Variants in FLNB observed in about 807,000 individuals in gnomAD.
The protein encoded by FLNB is filamin B, also known as filamin-B.
A neutral mutation model predicts 250.6 loss-of-function variants in FLNB; 111 were observed. That is an observed-to-expected ratio of 0.44 (90% CI 0.38 to 0.52). The LOEUF is 0.52. Ranked by LOEUF, FLNB falls within the 20% of genes least tolerant of loss-of-function variation. The pLI, the probability that FLNB is intolerant of heterozygous loss-of-function variation, is 0.00. For synonymous variants in FLNB, 1,302 were observed against 1,372.1 expected, an observed-to-expected ratio of 0.95 and a Z score of 1.13; for missense variants, 2,869 against 3,447.8, an observed-to-expected ratio of 0.83 and a Z score of 4.20.
Position 58,109,273 on chromosome 3 carries a change from C to G in FLNB, c.2150C>G (p.Thr717Ser). 2 of 1,614,242 alleles carry G rather than the reference C, an allele frequency of 1.2e-6. No individual in the cohort carries two copies. The highest frequency in any genetic ancestry group is 4.5e-5 in the East Asian group (2 of 44,884). The part of the protein sequence containing the change: ...SYTPVKAIKH[T>S]IAVVWGGVNI... ...ACCCCGGTGAAGGCCATCAAGCACA[C>G]CATTGCTGTGGTCTGGGGAGGCGTG... The change falls in exon 14 of 46, where the codon ACC (threonine) becomes AGC (serine). Residue 717 changes from threonine (T) to serine (S), a missense_variant. Thr to Ser is a moderately conservative substitution (Grantham distance 58). Coordinates refer to ENST00000295956, the MANE Select transcript of FLNB (RefSeq NM_001457.4).
At chr3:58,029,506 C>G (rs199691969) in intron 1 of FLNB, among the ~76,000 whole-genome samples, 1 of 136,504 alleles carries the variant, frequency 7.3e-6, no homozygotes, top group Non-Finnish European at 1.6e-5. Flanking sequence ...AATGAGAATT[C>G]TTTTTTTTTT....
chr3:58,098,611 G>A (rs1375372536), intron 7 of FLNB, 100 bp from the exon 8 acceptor site: 9 of 1,141,202 alleles, frequency 7.9e-6, no homozygotes, highest in Non-Finnish European at 2.6e-6. Context: ...GGGATTACAA[G>A]CATGAGCCAC....
Position 58,134,727 on chromosome 3 carries a change from T to C in FLNB, c.4626T>C (p.Ile1542=). ...CCAGTCTACCTGTGGACTTTGCAAT[T>C]GATGCCCGAGATGCCGGGGAAGGCC... ...VPASLPVDFA[I]DARDAGEGLL... is the part of the protein sequence containing the mutation. Residue 1542 remains isoleucine (I), a synonymous_variant, in exon 27 of 46, where the codon ATT becomes ATC. Transcript: ENST00000295956. 1 of 1,614,202 alleles carries C rather than the reference T, an allele frequency of 6.2e-7. No homozygotes were observed. The highest frequency in any genetic ancestry group is 8.5e-7 in the Non-Finnish European group (1 of 1,180,006).
intron 1 of FLNB, among the ~76,000 whole-genome samples, chr3:58,063,549 T>G (rs1228404452): frequency 6.6e-6 from 1 of 152,230 alleles, no homozygotes; most frequent in Non-Finnish European, 1.5e-5. Flanking sequence ...TCCCCCTATC[T>G]GTCCTCTGAG....
intron 1 of FLNB, among the ~76,000 whole-genome samples, chr3:58,027,226 C>T (rs1314889228): frequency 2.0e-5 from 3 of 151,948 alleles, no homozygotes; most frequent in African/African-American, 4.8e-5. Flanking sequence ...GATCTCGGCT[C>T]ACCACAACCT....
At chr3:58,110,386 C>G (rs1016064709) in intron 16 of FLNB, among the ~76,000 whole-genome samples, 3 of 152,150 alleles carry the variant, frequency 2.0e-5, no homozygotes, top group African/African-American at 7.2e-5. Flanking sequence ...CCTCAGCCTC[C>G]CAAGTAGCTG....
intron 4 of FLNB, among the ~76,000 whole-genome samples, chr3:58,087,803 C>T (rs1262507254): frequency 1.3e-5 from 2 of 149,274 alleles, no homozygotes; most frequent in East Asian, 2.1e-4. Context: ...TGCAATGGCA[C>T]GATCTCGGCT....
At chr3:58,074,638 T>C (rs186738677) in intron 1 of FLNB, among the ~76,000 whole-genome samples, 9 of 152,344 alleles carry the variant, frequency 5.9e-5, no homozygotes, top group Non-Finnish European at 8.8e-5. Context: ...GTTTCCTATA[T>C]TTAGGGGGCT....
Position 58,164,852 on chromosome 3 carries a change from G to C in FLNB, c.7198+1522G>C, listed in dbSNP as rs1157875743. 6.6e-6 allele frequency: 1 copy of C among 152,618 alleles called. No homozygotes were observed. The highest frequency in any genetic ancestry group is 6.5e-5 in the Admixed American group (1 of 15,302). 9.5% of individuals were successfully genotyped at this position (152,618 alleles called of 1,614,324 possible). A position where few individuals can be genotyped will look rare whatever the true frequency, so the allele number is the denominator to read the frequency against. On this transcript the variant is annotated intron_variant, in intron 43 of 45. Coordinates refer to ENST00000295956, the MANE Select transcript of FLNB (RefSeq NM_001457.4). The surrounding 1 kb of genome is among the most constrained non-coding windows in gnomAD (Gnocchi z 4.0). ...CCAAACAACACTCCCCCAAAAAGCA[G>C]TCAGCTGGGAGGAGGCAGAACCAGG...
rs1216046932 is a variant in FLNB, at chr3:58,041,755, C to G, written c.292+32899C>G. ...GTCATGTTTTTGAAATTGCCTCAAG[C>G]CTACCTTACAAATCCTTCCTGGAAC... On this transcript the variant is annotated intron_variant, in intron 1 of 45. Transcript: ENST00000295956. Among the ~76,000 whole-genome samples, 6 of 152,132 alleles carry G rather than the reference C, an allele frequency of 3.9e-5. No individual in the cohort carries two copies. The East Asian group carries it at 1.2e-3, about 29-fold the overall frequency.
chr3:58,118,823 T>G, intron 18 of FLNB, 49 bp from the exon 19 acceptor site: 2 of 1,405,610 alleles, frequency 1.4e-6, no homozygotes, highest in Non-Finnish European at 2.0e-6. Flanking sequence ...AAATGCCAAG[T>G]TAGCTTTTTG....
intron 9 of FLNB, 107 bp from the exon 10 acceptor site, chr3:58,103,852 T>G: frequency 7.3e-7 from 1 of 1,376,022 alleles, no homozygotes; most frequent in Non-Finnish European, 1.0e-6. Flanking sequence ...GGTTTTTATG[T>G]ATGGTTTATG....
chr3:58,044,464 A>C (rs2097150616), intron 1 of FLNB, among the ~76,000 whole-genome samples: 1 of 151,848 alleles, frequency 6.6e-6, no homozygotes, highest in African/African-American at 2.4e-5. Flanking sequence ...AACCAAAAAA[A>C]CCCCACAACA....
At position 58,154,821 on chromosome 3, in the gene FLNB, G is replaced by A; in HGVS notation, c.6665G>A (p.Gly2222Asp). The change falls in exon 40 of 46, where the codon GGC (glycine) becomes GAC (aspartate). Residue 2222 changes from glycine to aspartate, a missense_variant. This residue lies in a region of FLNB where 1,084 missense variants were observed against 1,315.5 expected (regional missense o/e 0.82). Coordinates refer to ENST00000295956, the MANE Select transcript of FLNB (RefSeq NM_001457.4). ...AEFSIWTREA[G>D]AGGLSIAVEG... is the part of the protein sequence containing the mutation. The stretch of plus-strand genomic sequence containing the variant: ...TTCAGCATTTGGACCCGGGAAGCAG[G>A]CGCTGGAGGCCTCTCCATCGCTGTT... The A allele has an allele frequency of 6.2e-7, 1 of 1,614,128 alleles. No homozygotes were observed. Among genetic ancestry groups the A allele is most frequent in the Non-Finnish European group, 8.5e-7 (1 of 1,180,012 alleles).
At chr3:58,071,033 G>A (rs935354040) in intron 1 of FLNB, among the ~76,000 whole-genome samples, 2 of 147,936 alleles carry the variant, frequency 1.4e-5, no homozygotes, top group African/African-American at 5.0e-5. Context: ...CTGCAGCCTC[G>A]ATCTCCTGGC....
chr3:58,024,923 G>C (rs1340040418), intron 1 of FLNB, among the ~76,000 whole-genome samples: 1 of 150,456 alleles, frequency 6.6e-6, no homozygotes, highest in Non-Finnish European at 1.5e-5. Flanking sequence ...ATATTGGCCA[G>C]GATGGTCTCA....
intron 3 of FLNB, 84 bp downstream of exon 3, chr3:58,078,898 G>C (rs903590745): frequency 5.0e-5 from 47 of 941,346 alleles, no homozygotes; most frequent in Non-Finnish European, 8.4e-6. Flanking sequence ...CAGGCAGCCC[G>C]ACCTTCTTGG....
chr3:58,163,320 G>GGGC lies in FLNB; in HGVS notation c.7189_7191dup (p.Gly2397dup). 1 of 1,614,142 alleles carries GGGC rather than the reference G, an allele frequency of 6.2e-7. No individual in the cohort carries two copies. Among genetic ancestry groups the GGGC allele is most frequent in the Non-Finnish European group, 8.5e-7 (1 of 1,180,024 alleles). ...CCGCCTATGGCACGGGACTCGAAGG[G>GGGC]GGCACCACAGGTAACCCACTCTTCT... is the stretch of plus-strand genomic sequence containing the variant. On this transcript the variant is annotated inframe_insertion, in exon 43 of 46. Transcript: ENST00000295956.
chr3:58,142,763 G>T lies in FLNB; in HGVS notation c.5284+11G>T. On this transcript the variant is annotated intron_variant, in intron 31 of 45. Coordinates refer to ENST00000295956, the MANE Select transcript of FLNB (RefSeq NM_001457.4). The surrounding 1 kb of genome is among the most constrained non-coding windows in gnomAD (Gnocchi z 4.3). ...AAGGAGAAATCACTGGTAAGCACTTGCCATAAAGGCCGTCTCATTCTCACT... is the reference window on the plus strand; with the variant it reads ...AAGGAGAAATCACTGGTAAGCACTTTCCATAAAGGCCGTCTCATTCTCACT... The T allele has an allele frequency of 6.2e-7, 1 of 1,606,458 alleles. No homozygotes were observed. The highest frequency in any genetic ancestry group is 8.5e-7 in the Non-Finnish European group (1 of 1,173,110).
Sources: allele counts gnomAD v4.1 joint callset (sites outside exome capture counted in the v4.1 genomes callset), GRCh38; gene constraint gnomAD v4.1.1; regional missense constraint gnomAD v4.1.1; non-coding constraint Gnocchi (gnomAD v3.1); transcripts MANE v1.5; gene names NCBI Gene and HGNC (gene_info 2026-07-23, HGNC 2026-07-21).